Variants in XIRP2 observed in about 807,000 individuals in gnomAD.
XIRP2 encodes the protein xin actin-binding repeat-containing protein 2.
Under a neutral mutation model 277.0 loss-of-function variants are expected in XIRP2, and 236 were observed. The ratio of observed to expected loss-of-function variants is 0.85; its 90% CI spans 0.77 to 0.95. The LOEUF is 0.95. XIRP2 is among the 40% of genes least tolerant of loss of function. The pLI, the probability that XIRP2 is intolerant of heterozygous loss-of-function variation, is 0.00. For synonymous variants in XIRP2, 1,490 were observed against 1,416.5 expected (o/e 1.05, Z -1.17); for missense variants, 4,640 against 4,157.5 (o/e 1.12, Z -3.19).
intron 2 of XIRP2, among the ~76,000 whole-genome samples, chr2:167,097,697 T>C (rs560498979): frequency 6.6e-6 from 1 of 152,368 alleles, no homozygotes; most frequent in South Asian, 2.1e-4. Context: ...GTACCAGTTT[T>C]TCCTTTCCAT....
chr2:166,933,091 C>T lies in XIRP2; in HGVS notation c.408+29201C>T, dbSNP rs977277484. 6.4e-4 allele frequency among the ~76,000 whole-genome samples: 97 copies of T among 152,048 alleles called. 1 individual carries two copies. Among genetic ancestry groups the T allele is most frequent in the Non-Finnish European group, 2.1e-4 (14 of 67,982 alleles). ...CTACACACACACACACACACATACA[C>T]ACACACACACAAACATGCACCTTCT... On this transcript the variant is annotated intron_variant, in intron 2 of 10. Coordinates refer to ENST00000409195, the MANE Select transcript of XIRP2 (RefSeq NM_152381.6).
chr2:167,253,909 A>G, intron 9 of XIRP2, 123 bp from the exon 10 acceptor site: 2 of 1,095,168 alleles, frequency 1.8e-6, no homozygotes, highest in Non-Finnish European at 2.6e-6. Context: ...TCATAAGGAC[A>G]GTAGTCTTAG....
At chr2:167,231,728 T>C (rs1296765710) in intron 5 of XIRP2, among the ~76,000 whole-genome samples, 6 of 151,960 alleles carry the variant, frequency 3.9e-5, no homozygotes, top group African/African-American at 1.4e-4. Context: ...ATCATCTCCA[T>C]CTTGGGCTTT....
chr2:166,960,976 T>G (rs545744961), intron 2 of XIRP2, among the ~76,000 whole-genome samples: 1 of 151,864 alleles, frequency 6.6e-6, no homozygotes, highest in African/African-American at 2.4e-5. Context: ...TTAAGTATCA[T>G]CATTGCATCA....
chr2:166,933,300 C>G (rs561576494), intron 2 of XIRP2, among the ~76,000 whole-genome samples: 5 of 151,894 alleles, frequency 3.3e-5, no homozygotes, highest in East Asian at 2.0e-4. Context: ...AGGGGCCCAC[C>G]ACCATGCCTG....
At position 166,918,017 on chromosome 2, in the gene XIRP2, G is replaced by A. The variant is rs187449809; in HGVS notation, c.408+14127G>A. On this transcript the variant is annotated intron_variant, in intron 2 of 10. Transcript: ENST00000409195. ...GCCTTCCTACATGAGCTTATCTGAT[G>A]TTTTTTCATGGTTACAGATTTTTGG... is the stretch of plus-strand genomic sequence containing the variant. 3.3e-3 allele frequency among the ~76,000 whole-genome samples: 508 copies of A among 152,246 alleles called. 5 individuals carry two copies. The highest frequency in any genetic ancestry group is 4.6e-3 in the Non-Finnish European group (314 of 68,002).
At chr2:167,025,345 TTTC>T (rs869261809) in intron 2 of XIRP2, among the ~76,000 whole-genome samples, 169 of 152,304 alleles carry the variant, frequency 1.1e-3, no homozygotes, top group South Asian at 2.9e-3. Flanking sequence ...TCTTCTCTCT[TTTC>T]TTCTTTATTA....
chr2:167,094,619 A>T (rs946151537), intron 2 of XIRP2, among the ~76,000 whole-genome samples: 2 of 152,116 alleles, frequency 1.3e-5, no homozygotes, highest in African/African-American at 2.4e-5. Context: ...CAAAGATCAG[A>T]CGGTTGTAGA....
intron 2 of XIRP2, among the ~76,000 whole-genome samples, chr2:166,955,983 A>AT (rs1320853375): frequency 1.3e-5 from 2 of 151,738 alleles, no homozygotes; most frequent in East Asian, 2.0e-4. Context: ...ATGCTCAGCT[A>AT]TTTTTTCAGT....
chr2:166,997,431 G>T (rs762338543), intron 2 of XIRP2, among the ~76,000 whole-genome samples: 1 of 152,158 alleles, frequency 6.6e-6, no homozygotes, highest in Non-Finnish European at 1.5e-5. Context: ...AGGTAGGTTA[G>T]TTGCTAAGAA....
intron 2 of XIRP2, among the ~76,000 whole-genome samples, chr2:167,069,309 AC>A (rs765719577): frequency 9.9e-5 from 15 of 152,134 alleles, no homozygotes; most frequent in Non-Finnish European, 1.8e-4. Context: ...CTAATGCAGA[AC>A]CCATGTGTAC....
intron 3 of XIRP2, among the ~76,000 whole-genome samples, chr2:167,159,053 G>T (rs958937983): frequency 6.6e-6 from 1 of 152,120 alleles, no homozygotes; most frequent in African/African-American, 2.4e-5. Context: ...GGCCTCAGTG[G>T]GGAGGGCACT....
intron 2 of XIRP2, among the ~76,000 whole-genome samples, chr2:167,119,163 A>G (rs551284115): frequency 6.6e-6 from 1 of 152,282 alleles, no homozygotes; most frequent in Admixed American, 6.5e-5. Context: ...CAGTGGTAGT[A>G]GATGATTATT....
chr2:167,159,238 T>C (rs1002731954), intron 3 of XIRP2, among the ~76,000 whole-genome samples: 56 of 152,304 alleles, frequency 3.7e-4, no homozygotes, highest in African/African-American at 1.1e-3. Flanking sequence ...CCAAGAACTG[T>C]TTCTCCTCCA....
At chr2:167,093,261 A>G (rs532298616) in intron 2 of XIRP2, among the ~76,000 whole-genome samples, 32 of 150,344 alleles carry the variant, frequency 2.1e-4, no homozygotes, top group Admixed American at 1.8e-3. Flanking sequence ...ATAATTATCA[A>G]GTGTATGTTT....
Position 166,934,212 on chromosome 2 carries a change from AAAC to A in XIRP2, c.408+30325_408+30327del, listed in dbSNP as rs1382286581. ...ATCAACAGCAAAAAAAAAAAAAAAA[AAAC>A]AAAACTAGGGTCTCTCTCTCTTGCT... On this transcript the variant is annotated intron_variant, in intron 2 of 10. Transcript: ENST00000409195. 7.9e-4 allele frequency among the ~76,000 whole-genome samples: 120 copies of A among 151,168 alleles called. 1 individual carries two copies. The highest frequency in any genetic ancestry group is 3.4e-3 in the Middle Eastern group (1 of 294).
chr2:166,966,591 T>C (rs1357524992), intron 2 of XIRP2, among the ~76,000 whole-genome samples: 1 of 151,956 alleles, frequency 6.6e-6, no homozygotes, highest in Non-Finnish European at 1.5e-5. Context: ...CTTTTGCTAC[T>C]TCTATATTTT....
At chr2:166,947,662 G>A (rs1223354849) in intron 2 of XIRP2, among the ~76,000 whole-genome samples, 4 of 152,048 alleles carry the variant, frequency 2.6e-5, no homozygotes, top group African/African-American at 7.2e-5. Context: ...TGGTGGGAAC[G>A]TAAAATGGAA....
chr2:167,134,534 A>T (rs1312409162), intron 2 of XIRP2, among the ~76,000 whole-genome samples: 1 of 152,108 alleles, frequency 6.6e-6, no homozygotes, highest in African/African-American at 2.4e-5. Context: ...GTGAAAAACA[A>T]TTACTGACAT....
Sources: allele counts gnomAD v4.1 joint callset (sites outside exome capture counted in the v4.1 genomes callset), GRCh38; gene constraint gnomAD v4.1.1; transcripts MANE v1.5; gene names NCBI Gene and HGNC (gene_info 2026-07-23, HGNC 2026-07-21).